PRKAG2: variants seen among roughly 807,000 people sequenced by gnomAD.
PRKAG2 encodes 5'-AMP-activated protein kinase subunit gamma-2.
PRKAG2 carries 26 observed loss-of-function variants against 69.6 expected under a neutral mutation model. The observed-to-expected ratio is 0.37, with a 90% confidence interval of 0.27 to 0.52. The LOEUF is 0.52. PRKAG2 is among the 20% of genes least tolerant of loss of function. The pLI is 0.90. For synonymous variants in PRKAG2, 293 were observed against 285.0 expected, an observed-to-expected ratio of 1.03 and a Z score of -0.28; for missense variants, 557 against 740.0, an observed-to-expected ratio of 0.75 and a Z score of 2.87.
Position 151,835,236 on chromosome 7 carries a change from G to A in PRKAG2, c.114+41271C>T, listed in dbSNP as rs1405957254. 2.0e-5 allele frequency among the ~76,000 whole-genome samples: 3 copies of A among 152,074 alleles called. No homozygotes were observed. The highest frequency in any genetic ancestry group is 2.0e-4 in the Admixed American group (3 of 15,274). On this transcript the variant is annotated intron_variant, in intron 1 of 15. Transcript: ENST00000287878. This position sits in a 1 kb window ranked among gnomAD's most constrained non-coding sequence, Gnocchi z 4.1. Reference sequence around the variant, plus strand: ...AGGTTTTATGTTCATTTGTTTTTAGGGTCAGGGTCTTGCTGTTTTCCAGGC... The same window carrying A: ...AGGTTTTATGTTCATTTGTTTTTAGAGTCAGGGTCTTGCTGTTTTCCAGGC...
At chr7:151,839,881 G>A (rs1244109608) in intron 1 of PRKAG2, among the ~76,000 whole-genome samples, 1 of 152,086 alleles carries the variant, frequency 6.6e-6, no homozygotes, top group Non-Finnish European at 1.5e-5. Flanking sequence ...AGAGGAAGCT[G>A]AGCAGGGCGG....
At chr7:151,669,741 T>TGCACACACCTGC (rs1466386151) in intron 4 of PRKAG2, among the ~76,000 whole-genome samples, 1 of 139,806 alleles carries the variant, frequency 7.2e-6, no homozygotes, top group Non-Finnish European at 1.6e-5. Context: ...CACACACCTG[T>TGCACACACCTGC]GCACACACCT....
intron 3 of PRKAG2, among the ~76,000 whole-genome samples, chr7:151,759,376 G>T (rs1424272904): frequency 6.6e-6 from 1 of 152,166 alleles, no homozygotes; most frequent in East Asian, 1.9e-4. Context: ...TGGCACTTGG[G>T]ACACATGACA....
At chr7:151,757,937 A>C (rs1391725311) in intron 3 of PRKAG2, among the ~76,000 whole-genome samples, 1 of 152,222 alleles carries the variant, frequency 6.6e-6, no homozygotes, top group Non-Finnish European at 1.5e-5. Flanking sequence ...TGTGGGCTGC[A>C]GTCAAAACGT....
At chr7:151,774,999 A>C (rs941027014) in intron 3 of PRKAG2, among the ~76,000 whole-genome samples, 2 of 152,200 alleles carry the variant, frequency 1.3e-5, no homozygotes, top group African/African-American at 2.4e-5. Context: ...GACTCAGAAA[A>C]CAGGGGATCA....
At chr7:151,802,241 G>C (rs1239058340) in intron 1 of PRKAG2, among the ~76,000 whole-genome samples, 1 of 152,146 alleles carries the variant, frequency 6.6e-6, no homozygotes, top group Non-Finnish European at 1.5e-5. Flanking sequence ...TTTCACTCTT[G>C]GTTCTCAGCA....
chr7:151,857,702 G>A (rs145182704), intron 1 of PRKAG2, among the ~76,000 whole-genome samples: 9 of 152,342 alleles, frequency 5.9e-5, no homozygotes, highest in East Asian at 1.9e-4. Flanking sequence ...TGCCACCCAC[G>A]CATGCTGAGG....
In PRKAG2 at chr7:151,632,707, C is replaced by T; in HGVS notation, c.685-569G>A. ...CTAGGGGATCCTTTCTCGCTTTCCT[C>T]TTCCCTTTCCAAATTTTAGATGTAA... On this transcript the variant is annotated intron_variant, in intron 4 of 15. Transcript: ENST00000287878. The surrounding 1 kb of genome is among the most constrained non-coding windows in gnomAD (Gnocchi z 4.2). 1 of 672,462 alleles carries T rather than the reference C, an allele frequency of 1.5e-6. No individual in the cohort carries two copies. Among genetic ancestry groups the T allele is most frequent in the Non-Finnish European group, 1.8e-6 (1 of 543,712 alleles). 41.7% of individuals were successfully genotyped at this position (672,462 alleles called of 1,614,324 possible).
intron 3 of PRKAG2, among the ~76,000 whole-genome samples, chr7:151,731,211 A>G (rs977775307): frequency 6.6e-6 from 1 of 152,200 alleles, no homozygotes; most frequent in African/African-American, 2.4e-5. Context: ...TCTCTTTGCC[A>G]AAGAGGCCGA....
Position 151,778,907 on chromosome 7 carries a change from G to A in PRKAG2, c.466+2245C>T, listed in dbSNP as rs552750338. On this transcript the variant is annotated intron_variant, in intron 3 of 15. Coordinates refer to ENST00000287878, the MANE Select transcript of PRKAG2 (RefSeq NM_016203.4). The stretch of plus-strand genomic sequence containing the variant: ...TTTAAAAAATAAAAAAGGTATATAT[G>A]TGTGTACACACATACATATATGCAC... Among the ~76,000 whole-genome samples, 7 of 152,232 alleles carry A rather than the reference G, an allele frequency of 4.6e-5. No individual in the cohort carries two copies. The South Asian group carries it at 1.0e-3, about 23-fold the overall frequency.
In PRKAG2 at chr7:151,727,193, C is replaced by T. The variant is rs144106355; in HGVS notation, c.467-51556G>A. ...TTGCGTCATTGCACTCCAGCCTGGGCAACGAGAGCAAAACTCAGTCTCAAA... is the reference window on the plus strand; with the variant it reads ...TTGCGTCATTGCACTCCAGCCTGGGTAACGAGAGCAAAACTCAGTCTCAAA... On this transcript the variant is annotated intron_variant, in intron 3 of 15. Coordinates refer to ENST00000287878, the MANE Select transcript of PRKAG2 (RefSeq NM_016203.4). 4.4e-3 allele frequency among the ~76,000 whole-genome samples: 666 copies of T among 150,620 alleles called. 7 individuals are homozygous for T. Among genetic ancestry groups the T allele is most frequent in the African/African-American group, 0.016 (639 of 40,924 alleles).
chr7:151,710,562 C>T (rs1014003312), intron 3 of PRKAG2, among the ~76,000 whole-genome samples: 1 of 152,230 alleles, frequency 6.6e-6, no homozygotes, highest in African/African-American at 2.4e-5. Context: ...GTTCTCCCCT[C>T]CCCGGGAGCC....
At chr7:151,713,867 C>T (rs1795715202) in intron 3 of PRKAG2, among the ~76,000 whole-genome samples, 1 of 152,222 alleles carries the variant, frequency 6.6e-6, no homozygotes, top group South Asian at 2.1e-4. Flanking sequence ...TGAGCCACTG[C>T]ACCTGACCCC....
chr7:151,846,203 G>A (rs889933128), intron 1 of PRKAG2, among the ~76,000 whole-genome samples: 10 of 152,156 alleles, frequency 6.6e-5, no homozygotes, highest in African/African-American at 2.4e-4. Context: ...GGCCGGGCGC[G>A]GTGGTTCACA....
At chr7:151,728,306 G>T (rs993675060) in intron 3 of PRKAG2, among the ~76,000 whole-genome samples, 1 of 152,122 alleles carries the variant, frequency 6.6e-6, no homozygotes, top group Admixed American at 6.5e-5. Context: ...AATTATTACC[G>T]CAGGGCAGAA....
At chr7:151,559,803 GT>G in intron 15 of PRKAG2, 1 of 985,358 alleles carries the variant, frequency 1.0e-6, no homozygotes, top group Non-Finnish European at 1.2e-6. Context: ...CAAAGGCTGG[GT>G]TGTTCATATT....
intron 3 of PRKAG2, among the ~76,000 whole-genome samples, chr7:151,712,601 T>A (rs1246513592): frequency 6.6e-6 from 1 of 152,216 alleles, no homozygotes; most frequent in East Asian, 1.9e-4. Context: ...TGGCCTGACC[T>A]CGGACACCAG....
At position 151,591,396 on chromosome 7, in the gene PRKAG2, C is replaced by T. The variant is rs151042673; in HGVS notation, c.864+3949G>A. Among the ~76,000 whole-genome samples the T allele has an allele frequency of 1.8e-3, 277 of 152,342 alleles. 1 individual carries two copies. Among genetic ancestry groups the T allele is most frequent in the African/African-American group, 5.5e-3 (227 of 41,572 alleles). On this transcript the variant is annotated intron_variant, in intron 6 of 15. Transcript: ENST00000287878. ...GCCACACTGGCCCATGCGCTGATAG[C>T]GGTGTGGGCTGGACTAGACAGGCAG...
intron 4 of PRKAG2, among the ~76,000 whole-genome samples, chr7:151,659,379 T>C (rs1267148434): frequency 6.6e-6 from 1 of 152,222 alleles, no homozygotes; most frequent in African/African-American, 2.4e-5. Context: ...CACTCCCATT[T>C]AAGTCAGGTT....
Sources: gnomAD v4.1 joint callset for allele counts (sites outside exome capture counted in the v4.1 genomes callset) on GRCh38, gnomAD v4.1.1 for gene constraint, Gnocchi (gnomAD v3.1) non-coding constraint, MANE v1.5 for transcripts, NCBI Gene and HGNC (gene_info 2026-07-23, HGNC 2026-07-21) for gene names.